SIRPD: variants seen among roughly 807,000 people sequenced by gnomAD.
SIRPD encodes the protein signal-regulatory protein delta.
SIRPD carries 21 observed loss-of-function variants against 18.0 expected under a neutral mutation model. That is an observed-to-expected ratio of 1.17 (90% CI 0.83 to 1.68). SIRPD has a LOEUF of 1.68. SIRPD is among the 40% of genes most tolerant of loss of function. The pLI, the probability that SIRPD is intolerant of heterozygous loss-of-function variation, is 0.00. For missense variants in SIRPD, 295 were observed against 238.4 expected (o/e 1.24, Z -1.56); for synonymous variants, 106 against 92.9 (o/e 1.14, Z -0.81).
intron 2 of SIRPD, among the ~76,000 whole-genome samples, chr20:1,549,977 A>T (rs2091011506): frequency 6.6e-6 from 1 of 152,238 alleles, no homozygotes; most frequent in Non-Finnish European, 1.5e-5. Flanking sequence ...GTTAATAAAG[A>T]TATTGAACTC....
chr20:1,554,026 G>T (rs999611407), intron 1 of SIRPD: 7 of 152,604 alleles, frequency 4.6e-5, no homozygotes, highest in African/African-American at 1.7e-4. Flanking sequence ...CACAGTAGTA[G>T]GTGCCAGCAT....
chr20:1,536,598 A>G (rs2090946597), intron 3 of SIRPD, among the ~76,000 whole-genome samples: 1 of 152,144 alleles, frequency 6.6e-6, no homozygotes, highest in African/African-American at 2.4e-5. Context: ...ATTCTGGGAG[A>G]CTTACTAGTC....
intron 1 of SIRPD, among the ~76,000 whole-genome samples, chr20:1,552,239 T>C (rs2091022801): frequency 1.3e-5 from 2 of 152,168 alleles, no homozygotes; most frequent in African/African-American, 4.8e-5. Context: ...AGACCAGATG[T>C]ATTCCTCCTC....
At position 1,549,009 on chromosome 20, in the gene SIRPD, G is replaced by A. The variant is rs944542142; in HGVS notation, c.421+2682C>T. Among the ~76,000 whole-genome samples, 5 of 151,840 alleles carry A rather than the reference G, an allele frequency of 3.3e-5. No individual in the cohort carries two copies. In the South Asian group the frequency reaches 8.3e-4, roughly 25 times the overall value. ...ATGGCTTACATTTCTCTGAGGCTCT[G>A]TTCATTTTTTAAATGTTATTTTCAT... On this transcript the variant is annotated intron_variant, in intron 2 of 3. Coordinates refer to ENST00000381623, the MANE Select transcript of SIRPD (RefSeq NM_178460.3).
At chr20:1,538,792 C>T (rs1343580298) in intron 2 of SIRPD, among the ~76,000 whole-genome samples, 2 of 152,218 alleles carry the variant, frequency 1.3e-5, no homozygotes, top group African/African-American at 4.8e-5. Flanking sequence ...GAAGAAGCTT[C>T]CAGATGACCC....
Position 1,534,360 on chromosome 20 carries a change from C to T in SIRPD, c.*65G>A, listed in dbSNP as rs2090936361. On this transcript the variant is annotated 3_prime_UTR_variant, in exon 4 of 4. Transcript: ENST00000381623. ...AATGAAACTCCTAAAAAGTAGCTGT[C>T]TCCAGGGAGTCAGAAGAGTATGGGG... 6 of 1,603,792 alleles carry T rather than the reference C, an allele frequency of 3.7e-6. No homozygotes were observed. In the East Asian group the frequency reaches 1.3e-4, roughly 36 times the overall value.
chr20:1,539,212 G>A (rs1248725635), intron 2 of SIRPD, among the ~76,000 whole-genome samples: 1 of 152,022 alleles, frequency 6.6e-6, no homozygotes, highest in Non-Finnish European at 1.5e-5. Context: ...ATATTTTCTA[G>A]TATCTGTGGT....
intron 3 of SIRPD, among the ~76,000 whole-genome samples, chr20:1,536,249 C>G (rs374063718): frequency 2.6e-5 from 4 of 152,324 alleles, no homozygotes. Context: ...TATTAATTAA[C>G]TAGTTTGATT....
chr20:1,556,835 C>T (rs139356558), intron 1 of SIRPD, among the ~76,000 whole-genome samples: 98 of 152,352 alleles, frequency 6.4e-4, no homozygotes, highest in Non-Finnish European at 1.3e-3. Context: ...AATATCTAGT[C>T]TCCAGACCTG....
At chr20:1,540,530 A>G (rs891796258) in intron 2 of SIRPD, among the ~76,000 whole-genome samples, 11 of 152,164 alleles carry the variant, frequency 7.2e-5, no homozygotes, top group African/African-American at 2.7e-4. Flanking sequence ...CATTTTCCCT[A>G]TCTTTCCACC....
At position 1,534,563 on chromosome 20, in the gene SIRPD, C is replaced by T. The variant is rs575266037; in HGVS notation, c.578-122G>A. 4.2e-5 allele frequency: 45 copies of T among 1,061,012 alleles called. No homozygotes were observed. In the South Asian group the frequency reaches 4.7e-4, roughly 11 times the overall value. The allele number at this position is 1,061,012 out of a possible 1,614,324, so 65.7% of individuals were successfully genotyped here. On this transcript the variant is annotated intron_variant, in intron 3 of 3. Transcript: ENST00000381623. ...AAAAGATTGCCAATTTTCTGTGTTGCTAAGGTTGTGGTGAGGCAGGCGCTC... is the reference window on the plus strand; with the variant it reads ...AAAAGATTGCCAATTTTCTGTGTTGTTAAGGTTGTGGTGAGGCAGGCGCTC...
intron 2 of SIRPD, among the ~76,000 whole-genome samples, chr20:1,544,804 G>A (rs902820876): frequency 3.3e-5 from 5 of 152,100 alleles, no homozygotes; most frequent in Non-Finnish European, 7.4e-5. Context: ...CTCTTGTAAG[G>A]CAGGCCTGGT....
chr20:1,534,368 A>C lies in SIRPD; in HGVS notation c.*57T>G. ...TCCTAAAAAGTAGCTGTCTCCAGGG[A>C]GTCAGAAGAGTATGGGGGCTTTTGT... On this transcript the variant is annotated 3_prime_UTR_variant, in exon 4 of 4. Coordinates refer to ENST00000381623, the MANE Select transcript of SIRPD (RefSeq NM_178460.3). The C allele has an allele frequency of 6.2e-7, 1 of 1,608,206 alleles. No individual in the cohort carries two copies. The highest frequency in any genetic ancestry group is 1.1e-5 in the South Asian group (1 of 89,964).
intron 1 of SIRPD, 40 bp from the exon 2 acceptor site, chr20:1,552,078 C>T (rs1449752001): frequency 1.3e-6 from 2 of 1,561,548 alleles, no homozygotes; most frequent in Non-Finnish European, 1.8e-6. Flanking sequence ...TTCCCCTGTT[C>T]TGGCTTAAGC....
At chr20:1,549,290 A>C (rs1394916214) in intron 2 of SIRPD, among the ~76,000 whole-genome samples, 1 of 151,852 alleles carries the variant, frequency 6.6e-6, no homozygotes, top group Non-Finnish European at 1.5e-5. Context: ...TGTTTCTTTG[A>C]ACATATTTGT....
intron 1 of SIRPD, chr20:1,553,970 G>C (rs894917078): frequency 6.6e-6 from 1 of 152,586 alleles, no homozygotes; most frequent in African/African-American, 2.4e-5. Flanking sequence ...GGTGGTGCCT[G>C]GACCAGAGAA....
In SIRPD at chr20:1,551,817, C is replaced by T. The variant is rs750394181; in HGVS notation, c.295G>A (p.Asp99Asn). Reference protein sequence around the residue: ...IGDTTKPGNTDFSTRIREISL... With the variant: ...IGDTTKPGNTNFSTRIREISL... ...ATTTCACGGATGCGGGTGGAAAAGT[C>T]TGTGTTGCCAGGCTTGGTGGTGTCT... is the stretch of plus-strand genomic sequence containing the variant. Residue 99 changes from aspartate (D) to asparagine (N), a missense_variant, in exon 2 of 4, where the codon GAC becomes AAC. Physicochemically the swap from Asp to Asn is conservative, Grantham distance 23 (BLOSUM62 1). Coordinates refer to ENST00000381623, the MANE Select transcript of SIRPD (RefSeq NM_178460.3). 14 of 1,614,118 alleles carry T rather than the reference C, an allele frequency of 8.7e-6. No individual in the cohort carries two copies. The East Asian group carries it at 3.1e-4, about 36-fold the overall frequency.
chr20:1,538,535 T>G (rs1215097158), intron 2 of SIRPD, among the ~76,000 whole-genome samples: 1 of 152,156 alleles, frequency 6.6e-6, no homozygotes, highest in African/African-American at 2.4e-5. Flanking sequence ...CCCCCTGAGT[T>G]TGGGCAGGTC....
intron 2 of SIRPD, among the ~76,000 whole-genome samples, chr20:1,549,084 C>T (rs1360669047): frequency 6.6e-6 from 1 of 151,998 alleles, no homozygotes; most frequent in Non-Finnish European, 1.5e-5. Flanking sequence ...AATCTATTTT[C>T]AAATTTGCTA....
Sources: allele counts gnomAD v4.1 joint callset (sites outside exome capture counted in the v4.1 genomes callset), GRCh38; gene constraint gnomAD v4.1.1; transcripts MANE v1.5; gene names NCBI Gene and HGNC (gene_info 2026-07-23, HGNC 2026-07-21).